Variants in MAMLD1 observed in about 807,000 individuals in gnomAD.
MAMLD1 encodes the protein mastermind like domain containing 1.
MAMLD1 carries 14 observed loss-of-function variants against 45.0 expected under a neutral mutation model. The observed-to-expected ratio is 0.31, with a 90% CI of 0.21 to 0.49. The LOEUF (loss-of-function observed/expected upper bound fraction) is 0.49, where lower values mean the gene tolerates loss of function less well. MAMLD1 is among the 20% of genes least tolerant of loss of function. MAMLD1 has a pLI of 0.99. For synonymous variants in MAMLD1, 254 were observed against 247.8 expected, an observed-to-expected ratio of 1.02 and a Z score of -0.24; for missense variants, 543 against 603.6, an observed-to-expected ratio of 0.90 and a Z score of 1.05.
At chrX:150,498,399 GCA>G (rs2037451869) in intron 5 of MAMLD1, among the ~76,000 whole-genome samples, 1 of 111,235 alleles carries the variant, frequency 9.0e-6, no homozygotes, top group Non-Finnish European at 1.9e-5. Context: ...GAAAATTAAG[GCA>G]CAGAAACGTT....
intron 1 of MAMLD1, among the ~76,000 whole-genome samples, chrX:150,424,983 A>G (rs1242202660): frequency 8.9e-6 from 1 of 112,254 alleles, no homozygotes; most frequent in Non-Finnish European, 1.9e-5. Context: ...CATAAATTGA[A>G]TCATACAATA....
chrX:150,407,207 A>T (rs2124530291), intron 1 of MAMLD1, among the ~76,000 whole-genome samples: 1 of 112,341 alleles, frequency 8.9e-6, no homozygotes, highest in African/African-American at 3.2e-5. Context: ...TTAACAAAAC[A>T]AATTTGCGAT....
chrX:150,474,937 G>GA (rs1304360712), intron 5 of MAMLD1, among the ~76,000 whole-genome samples: 1 of 111,337 alleles, frequency 9.0e-6, no homozygotes, highest in African/African-American at 3.3e-5. Flanking sequence ...CCAGGGGAGA[G>GA]AAAAAAATAA....
intron 5 of MAMLD1, among the ~76,000 whole-genome samples, chrX:150,492,593 T>G (rs1209031): frequency 0.13 from 14,061 of 111,206 alleles, 849 homozygotes; most frequent in African/African-American, 0.2. Flanking sequence ...AGTGATGAGT[T>G]ACACTCTGCC....
chrX:150,434,103 G>C (rs782691593), intron 1 of MAMLD1, among the ~76,000 whole-genome samples: 8 of 111,060 alleles, frequency 7.2e-5, no homozygotes, highest in Non-Finnish European at 1.3e-4. Context: ...GTCTGTTCAG[G>C]GATTCAATTT....
At chrX:150,480,351 TG>T (rs1459981977) in intron 5 of MAMLD1, among the ~76,000 whole-genome samples, 7 of 112,490 alleles carry the variant, frequency 6.2e-5, no homozygotes, top group Non-Finnish European at 1.3e-4. Flanking sequence ...TGAAACAGTC[TG>T]GGATTTTATC....
At chrX:150,398,287 G>GAAGAAGAAGAAGAAGAAC (rs2033542321) in intron 1 of MAMLD1, among the ~76,000 whole-genome samples, 1 of 80,417 alleles carries the variant, frequency 1.2e-5, no homozygotes, top group African/African-American at 4.9e-5. Flanking sequence ...AGAAGAAGAA[G>GAAGAAGAAGAAGAAGAAC]AAGAAGAAGA....
chrX:150,465,613 C>T (rs781995336), intron 3 of MAMLD1, among the ~76,000 whole-genome samples: 21 of 112,407 alleles, frequency 1.9e-4, no homozygotes, highest in Non-Finnish European at 3.6e-4. Flanking sequence ...ACTCCCTCCC[C>T]CTTCCTCACC....
chrX:150,400,006 G>T (rs928815636), intron 1 of MAMLD1, among the ~76,000 whole-genome samples: 1 of 111,642 alleles, frequency 9.0e-6, no homozygotes. Flanking sequence ...TTGCAGGGAG[G>T]TTCGCTCATT....
intron 1 of MAMLD1, among the ~76,000 whole-genome samples, chrX:150,406,438 C>T (rs892232474): frequency 9.0e-6 from 1 of 111,519 alleles, no homozygotes. Context: ...ATGACCAAAA[C>T]CAAGTAACCC....
chrX:150,446,953 G>A (rs2035507973), intron 2 of MAMLD1, among the ~76,000 whole-genome samples: 1 of 112,306 alleles, frequency 8.9e-6, no homozygotes, highest in Non-Finnish European at 1.9e-5. Context: ...AGTGTTGATG[G>A]ATTGTGGATG....
chrX:150,508,887 C>T (rs1240626734), intron 6 of MAMLD1, among the ~76,000 whole-genome samples: 2 of 111,659 alleles, frequency 1.8e-5, no homozygotes, highest in African/African-American at 6.5e-5. Flanking sequence ...TGGCCGGGCT[C>T]CCCTCACTGT....
intron 1 of MAMLD1, among the ~76,000 whole-genome samples, chrX:150,396,724 G>T (rs782799753): frequency 8.9e-6 from 1 of 111,878 alleles, no homozygotes; most frequent in African/African-American, 3.3e-5. Context: ...TCCTACCTGT[G>T]TGGGGTTTTT....
At chrX:150,473,289 G>A (rs1165844360) in intron 4 of MAMLD1, among the ~76,000 whole-genome samples, 1 of 112,374 alleles carries the variant, frequency 8.9e-6, no homozygotes, top group African/African-American at 3.2e-5. Flanking sequence ...TTCCATGACT[G>A]TCCTCAGTAC....
chrX:150,435,676 A>G (rs1314326626), intron 1 of MAMLD1, among the ~76,000 whole-genome samples: 1 of 112,213 alleles, frequency 8.9e-6, no homozygotes, highest in African/African-American at 3.2e-5. Context: ...TCAACTTGGC[A>G]CTCTGTGCCT....
chrX:150,473,136 T>C (rs781965168), intron 4 of MAMLD1, among the ~76,000 whole-genome samples: 1 of 112,430 alleles, frequency 8.9e-6, no homozygotes, highest in South Asian at 3.7e-4. Flanking sequence ...TACCCAGAAG[T>C]GCCTGCAGCA....
chrX:150,420,812 T>C (rs375375182), intron 1 of MAMLD1, among the ~76,000 whole-genome samples: 34 of 112,117 alleles, frequency 3.0e-4, no homozygotes, highest in East Asian at 8.5e-4. Context: ...TCTCCAGCTG[T>C]GTGCTGGGAG....
At chrX:150,468,971 G>A (rs781797468) in intron 3 of MAMLD1, among the ~76,000 whole-genome samples, 1 of 46,464 alleles carries the variant, frequency 2.2e-5, no homozygotes, top group South Asian at 1.8e-3. Flanking sequence ...ACATAGCAAT[G>A]TGTGAGAGTG....
At position 150,506,781 on chromosome X, in the gene MAMLD1, G is replaced by A. The variant is rs782309698; in HGVS notation, c.2285-3181G>A. 2.9e-3 allele frequency among the ~76,000 whole-genome samples: 323 copies of A among 112,722 alleles called. 1 individual carries two copies. The highest frequency in any genetic ancestry group is 5.0e-3 in the Non-Finnish European group (266 of 53,311). ...GGTGAGTGAAGCTGGTGCAGTGCCT[G>A]GCGTGGGCTCAGTTGTGCCAGCAGG... On this transcript the variant is annotated intron_variant, in intron 6 of 7. Coordinates refer to ENST00000370401, the MANE Select transcript of MAMLD1 (RefSeq NM_005491.5).
Sources: allele counts gnomAD v4.1 joint callset (sites outside exome capture counted in the v4.1 genomes callset), GRCh38; gene constraint gnomAD v4.1.1; transcripts MANE v1.5; gene names NCBI Gene and HGNC (gene_info 2026-07-23, HGNC 2026-07-21).